ANKFN1: variants seen among roughly 807,000 people sequenced by gnomAD.
ANKFN1 encodes the protein ankyrin repeat and fibronectin type III domain containing 1, also known as ankyrin repeat and fibronectin type-III domain-containing protein 1.
ANKFN1 carries 74 observed loss-of-function variants against 108.7 expected under a neutral mutation model. The ratio of observed to expected loss-of-function variants is 0.68; its 90% CI spans 0.56 to 0.83. The LOEUF (loss-of-function observed/expected upper bound fraction) is 0.83, where lower values mean the gene tolerates loss of function less well. Among genes scored for constraint, ANKFN1 ranks in the 40% least tolerant of loss-of-function variants. ANKFN1 has a pLI of 0.00. For synonymous variants in ANKFN1, 547 were observed against 516.2 expected, an observed-to-expected ratio of 1.06 and a Z score of -0.81; for missense variants, 1,505 against 1,382.3, an observed-to-expected ratio of 1.09 and a Z score of -1.41.
At chr17:56,155,702 G>A (rs958149975) in intron 1 of ANKFN1, among the ~76,000 whole-genome samples, 1 of 152,154 alleles carries the variant, frequency 6.6e-6, no homozygotes, top group East Asian at 1.9e-4. Context: ...GGTGCCTGGG[G>A]CAGAAACAGA....
chr17:56,220,876 G>GAGGA (rs1915834518), intron 2 of ANKFN1, among the ~76,000 whole-genome samples: 1 of 64,330 alleles, frequency 1.6e-5, no homozygotes, highest in African/African-American at 1.1e-4. Context: ...GGAAGGGAGG[G>GAGGA]AGGGAGGGAG....
At chr17:56,164,756 A>G (rs1445968196) in intron 1 of ANKFN1, among the ~76,000 whole-genome samples, 1 of 152,200 alleles carries the variant, frequency 6.6e-6, no homozygotes, top group African/African-American at 2.4e-5. Context: ...GTTTCTCAGG[A>G]TAATGCATCA....
At chr17:56,235,997 G>A (rs1326424395) in intron 3 of ANKFN1, among the ~76,000 whole-genome samples, 1 of 151,784 alleles carries the variant, frequency 6.6e-6, no homozygotes, top group Non-Finnish European at 1.5e-5. Flanking sequence ...CCATGAGCAT[G>A]GAATGTTTTT....
At chr17:56,283,669 A>C (rs1370324266) in intron 3 of ANKFN1, among the ~76,000 whole-genome samples, 1 of 151,994 alleles carries the variant, frequency 6.6e-6, no homozygotes, top group Non-Finnish European at 1.5e-5. Flanking sequence ...GTTCTCACTC[A>C]TAAGTGTGAG....
At chr17:56,064,438 G>A (rs963529878) in intron 4 of ANKFN1, among the ~76,000 whole-genome samples, 8 of 152,174 alleles carry the variant, frequency 5.3e-5, no homozygotes, top group East Asian at 1.9e-4. Context: ...TGGAGTTATC[G>A]GAGTCCCTGC....
At chr17:56,098,776 G>A (rs965905122) in intron 4 of ANKFN1, among the ~76,000 whole-genome samples, 31 of 152,116 alleles carry the variant, frequency 2.0e-4, no homozygotes, top group Non-Finnish European at 7.4e-5. Flanking sequence ...ACCTTCAAAT[G>A]TATGACCAGA....
At chr17:56,372,563 T>C (rs1196886324) in intron 6 of ANKFN1, 83 bp from the exon 7 acceptor site, 1 of 1,123,068 alleles carries the variant, frequency 8.9e-7, no homozygotes. Context: ...TTTCAAATCA[T>C]AGTAAACTCT....
chr17:56,457,905 A>G lies in ANKFN1; in HGVS notation c.1483A>G (p.Ile495Val), dbSNP rs112824543. The G allele has an allele frequency of 8.7e-4, 1,401 of 1,614,056 alleles. 7 individuals are homozygous for G. The African/African-American group carries it at 8.9e-3, about 10-fold the overall frequency. Residue 495 changes from isoleucine to valine, a missense_variant, in exon 14 of 21, where the codon ATA becomes GTA. By Grantham distance (29) the Ile-to-Val change is conservative. Coordinates refer to ENST00000682825, the MANE Select transcript of ANKFN1 (RefSeq NM_001370326.1). ...WEDIRWLRQS[I>V]PISSSSSTVL... The stretch of plus-strand genomic sequence containing the variant: ...AGATATAAGGTGGCTGAGGCAAAGC[A>G]TACCAATATCCTCATCCTCATCCAC...
intron 3 of ANKFN1, among the ~76,000 whole-genome samples, chr17:56,269,777 C>T (rs1279628057): frequency 6.6e-6 from 1 of 152,190 alleles, no homozygotes; most frequent in East Asian, 1.9e-4. Context: ...CTTTCACAGT[C>T]TGGGGATGAA....
chr17:56,372,826 G>A lies in ANKFN1; in HGVS notation c.782G>A (p.Gly261Asp), dbSNP rs531017481. ...RYRLYRRMKT[G>D]FEHARAPEMP... ...CGGCTCTACAGACGCATGAAAACAG[G>A]CTTTGAGCATGCCAGTGAGTATAAG... Residue 261 changes from glycine to aspartate, a missense_variant, in exon 7 of 21, where the codon GGC (glycine) becomes GAC (aspartate). Coordinates refer to ENST00000682825, the MANE Select transcript of ANKFN1 (RefSeq NM_001370326.1). 8 of 1,613,166 alleles carry A rather than the reference G, an allele frequency of 5.0e-6. No homozygotes were observed. Among genetic ancestry groups the A allele is most frequent in the Non-Finnish European group, 6.8e-6 (8 of 1,179,746 alleles).
chr17:56,131,366 G>T, intron 4 of ANKFN1, among the ~76,000 whole-genome samples: 1 of 152,128 alleles, frequency 6.6e-6, no homozygotes, highest in East Asian at 1.9e-4. Context: ...CTACATATAG[G>T]ATGCCCTGGA....
At chr17:56,398,939 C>A (rs1247573284) in intron 8 of ANKFN1, among the ~76,000 whole-genome samples, 1 of 151,922 alleles carries the variant, frequency 6.6e-6, no homozygotes, top group African/African-American at 2.4e-5. Context: ...GGTCATAAAG[C>A]CAAAATAATT....
intron 3 of ANKFN1, among the ~76,000 whole-genome samples, chr17:56,239,359 T>G (rs1283470803): frequency 6.6e-6 from 1 of 152,024 alleles, no homozygotes; most frequent in Non-Finnish European, 1.5e-5. Flanking sequence ...TATGGTGCAA[T>G]AGTTCAACAT....
At chr17:56,487,304 A>T (rs187688610) in intron 18 of ANKFN1, among the ~76,000 whole-genome samples, 1 of 152,188 alleles carries the variant, frequency 6.6e-6, no homozygotes, top group African/African-American at 2.4e-5. Flanking sequence ...AAGCATTACT[A>T]TTTACAAAGT....
At chr17:56,353,425 T>C (rs926440836) in intron 5 of ANKFN1, among the ~76,000 whole-genome samples, 2 of 151,976 alleles carry the variant, frequency 1.3e-5, no homozygotes, top group African/African-American at 2.4e-5. Context: ...TTTGTAGAGA[T>C]GGGGTTTCAC....
chr17:56,298,477 A>C (rs966683515), intron 3 of ANKFN1, among the ~76,000 whole-genome samples: 1 of 152,140 alleles, frequency 6.6e-6, no homozygotes, highest in East Asian at 1.9e-4. Flanking sequence ...AGTGTTTTTC[A>C]ATTTCTTTTT....
chr17:56,305,664 A>C (rs902635241), intron 3 of ANKFN1, among the ~76,000 whole-genome samples: 1 of 152,140 alleles, frequency 6.6e-6, no homozygotes, highest in African/African-American at 2.4e-5. Context: ...CCAATTTGTC[A>C]TTTTTTAATG....
At chr17:56,492,095 T>C in intron 18 of ANKFN1, 92 bp from the exon 19 acceptor site, 1 of 645,722 alleles carries the variant, frequency 1.5e-6, no homozygotes, top group Non-Finnish European at 2.8e-6. Flanking sequence ...TAATAAATCA[T>C]GTTTTCATTC....
chr17:56,479,034 T>C (rs1200256812), intron 16 of ANKFN1, among the ~76,000 whole-genome samples: 1 of 152,222 alleles, frequency 6.6e-6, no homozygotes, highest in Non-Finnish European at 1.5e-5. Context: ...GTCTGCCATC[T>C]GGTGGTCATT....
Sources: gnomAD v4.1 joint callset for allele counts (sites outside exome capture counted in the v4.1 genomes callset) on GRCh38, gnomAD v4.1.1 for gene constraint, MANE v1.5 for transcripts, NCBI Gene and HGNC (gene_info 2026-07-23, HGNC 2026-07-21) for gene names.